The following CCDC60 variants were observed in gnomAD, a reference collection of about 807,000 sequenced individuals.
CCDC60 encodes coiled-coil domain containing 60.
Under a neutral mutation model 63.5 loss-of-function variants are expected in CCDC60, and 54 were observed. That is an observed-to-expected ratio of 0.85 (90% CI 0.68 to 1.07). The LOEUF is 1.07. CCDC60 is among the 50% of genes least tolerant of loss of function. CCDC60 has a pLI of 0.00. For missense variants in CCDC60, 651 were observed against 684.3 expected (o/e 0.95, Z 0.54); for synonymous variants, 206 against 238.8 (o/e 0.86, Z 1.27).
intron 1 of CCDC60, among the ~76,000 whole-genome samples, chr12:119,417,520 C>G (rs981754294): frequency 2.6e-5 from 4 of 152,092 alleles, no homozygotes; most frequent in Non-Finnish European, 5.9e-5. Context: ...TCCCAGAGCA[C>G]CCAATTTCCT....
At chr12:119,360,718 A>T (rs1420392817) in intron 1 of CCDC60, among the ~76,000 whole-genome samples, 1 of 151,942 alleles carries the variant, frequency 6.6e-6, no homozygotes, top group Non-Finnish European at 1.5e-5. Context: ...GGCGCTCCTC[A>T]CTTCCCAGAT....
Position 119,456,060 on chromosome 12 carries a change from A to AAAGCAAGCAAACAAGCAAGCAAGC in CCDC60, c.171-15924_171-15923insACAAGCAAGCAAGCAAGCAAGCAA. Among the ~76,000 whole-genome samples, 1 of 118,784 alleles carries AAAGCAAGCAAACAAGCAAGCAAGC rather than the reference A, an allele frequency of 8.4e-6. No homozygotes were observed. The highest frequency in any genetic ancestry group is 8.8e-5 in the Admixed American group (1 of 11,396). 77.9% of individuals were successfully genotyped at this position (118,784 alleles called of 152,430 possible). A position where few individuals can be genotyped will look rare whatever the true frequency, so the allele number is the denominator to read the frequency against. On this transcript the variant is annotated intron_variant, in intron 2 of 13. Coordinates refer to ENST00000327554, the MANE Select transcript of CCDC60 (RefSeq NM_178499.5). The surrounding 1 kb of genome is among the most constrained non-coding windows in gnomAD (Gnocchi z 4.6). ...GAAAGAAAGAAAGAAAGAAAGAAAG[A>AAAGCAAGCAAACAAGCAAGCAAGC]AAGCAAGCAAGCATGTGCAATTTCA...
Position 119,522,273 on chromosome 12 carries a change from G to T in CCDC60, c.1041-666G>T, listed in dbSNP as rs150650513. Among the ~76,000 whole-genome samples, 11 of 152,316 alleles carry T rather than the reference G, an allele frequency of 7.2e-5. No homozygotes were observed. In the East Asian group the frequency reaches 1.4e-3, roughly 19 times the overall value. On this transcript the variant is annotated intron_variant, in intron 9 of 13. Transcript: ENST00000327554. ...AAGGATCCTGGAGAAAGGCATGAAG[G>T]GGGTGGTGGGCAGGGGTAGGGGCTC...
At chr12:119,512,221 A>G (rs991655791) in intron 7 of CCDC60, among the ~76,000 whole-genome samples, 1 of 152,204 alleles carries the variant, frequency 6.6e-6, no homozygotes, top group Non-Finnish European at 1.5e-5. Flanking sequence ...AACTGCAGGT[A>G]CCCACTAAGG....
At position 119,516,605 on chromosome 12, in the gene CCDC60, C is replaced by G; in HGVS notation, c.884-18C>G. On this transcript the variant is annotated intron_variant, in intron 7 of 13. Transcript: ENST00000327554. ...GGGGTGGCTTCTGGTCAAGGGTGAC[C>G]TCTCATATTCTCATCAGATCTGCAG... The G allele has an allele frequency of 6.3e-6, 10 of 1,577,902 alleles. No homozygotes were observed. Among genetic ancestry groups the G allele is most frequent in the Non-Finnish European group, 8.7e-6 (10 of 1,149,704 alleles).
intron 2 of CCDC60, among the ~76,000 whole-genome samples, chr12:119,460,008 T>C (rs1482624126): frequency 6.6e-6 from 1 of 152,204 alleles, no homozygotes; most frequent in African/African-American, 2.4e-5. Flanking sequence ...CATGGGGCAA[T>C]TACACAACAA....
In CCDC60 at chr12:119,355,927, C is replaced by T. The variant is rs112363340; in HGVS notation, c.90+20661C>T. Reference sequence around the variant, plus strand: ...GGATGTGGCTCAGAAAAAACTGCTTCCACCTTGTCCCTGTTTTAGCTAGTC... The same window carrying T: ...GGATGTGGCTCAGAAAAAACTGCTTTCACCTTGTCCCTGTTTTAGCTAGTC... On this transcript the variant is annotated intron_variant, in intron 1 of 13. Coordinates refer to ENST00000327554, the MANE Select transcript of CCDC60 (RefSeq NM_178499.5). Among the ~76,000 whole-genome samples the T allele has an allele frequency of 3.5e-3, 531 of 152,290 alleles. 5 individuals carry two copies. Among genetic ancestry groups the T allele is most frequent in the South Asian group, 0.031 (148 of 4,826 alleles).
Position 119,344,839 on chromosome 12 carries a change from TCTCTCTCTCTCTCTCTCACACA to T in CCDC60, c.90+9575_90+9596del, listed in dbSNP as rs1565963611. ...CATTCTCTCTCTCTCTCTCTCTTTC[TCTCTCTCTCTCTCTCTCACACA>T]CACACACACACACACACACACACAC... On this transcript the variant is annotated intron_variant, in intron 1 of 13. Transcript: ENST00000327554. 3.3e-3 allele frequency among the ~76,000 whole-genome samples: 342 copies of T among 103,066 alleles called. 1 individual carries two copies. The highest frequency in any genetic ancestry group is 0.012 in the African/African-American group (320 of 27,026). The allele number at this position is 103,066 out of a possible 152,430, so 67.6% of individuals were successfully genotyped here.
At chr12:119,524,519 GA>G in intron 11 of CCDC60, 1 of 858,912 alleles carries the variant, frequency 1.2e-6, no homozygotes. Context: ...GCTAGGGTTG[GA>G]GAAGACTAAT....
chr12:119,426,048 C>A lies in CCDC60; in HGVS notation c.91-2635C>A, dbSNP rs558084160. ...CATTATGCAAAAGCATGGGAAAGTACTCCTAGAGTTCCTTACATGCCTCAT... is the reference window on the plus strand; with the variant it reads ...CATTATGCAAAAGCATGGGAAAGTAATCCTAGAGTTCCTTACATGCCTCAT... On this transcript the variant is annotated intron_variant, in intron 1 of 13. Transcript: ENST00000327554. Among the ~76,000 whole-genome samples the A allele has an allele frequency of 2.0e-5, 3 of 152,204 alleles. No individual in the cohort carries two copies. The East Asian group carries it at 5.8e-4, about 29-fold the overall frequency.
chr12:119,420,586 G>GA lies in CCDC60; in HGVS notation c.91-8097_91-8096insA, dbSNP rs1398680078. On this transcript the variant is annotated intron_variant, in intron 1 of 13. Transcript: ENST00000327554. The surrounding 1 kb of genome is among the most constrained non-coding windows in gnomAD (Gnocchi z 4.1). ...GCTGGGAAGGATAGTGGGGGATGGG[G>GA]GGCAGAAGGTGGGAATGGCTAACGG... is the stretch of plus-strand genomic sequence containing the variant. Among the ~76,000 whole-genome samples, 11 of 152,024 alleles carry GA rather than the reference G, an allele frequency of 7.2e-5. No individual in the cohort carries two copies. The highest frequency in any genetic ancestry group is 2.7e-4 in the African/African-American group (11 of 41,404).
At chr12:119,479,016 T>C (rs1192665394) in intron 3 of CCDC60, 78 bp from the exon 4 acceptor site, 2 of 976,178 alleles carry the variant, frequency 2.0e-6, no homozygotes, top group Non-Finnish European at 3.3e-6. Context: ...ATCTGCCGAA[T>C]AGACCGTGGC....
intron 1 of CCDC60, among the ~76,000 whole-genome samples, chr12:119,360,122 A>G (rs369844559): frequency 2.3e-4 from 32 of 137,110 alleles, no homozygotes; most frequent in South Asian, 7.2e-4. Context: ...GGGCAGAGGC[A>G]CCCCTCACCT....
chr12:119,360,181 C>T (rs1203140528), intron 1 of CCDC60, among the ~76,000 whole-genome samples: 1 of 150,112 alleles, frequency 6.7e-6, no homozygotes, highest in Non-Finnish European at 1.5e-5. Flanking sequence ...CCCCCACCTC[C>T]CTCCCGGACA....
At chr12:119,436,912 C>G (rs1022669113) in intron 2 of CCDC60, among the ~76,000 whole-genome samples, 1 of 152,210 alleles carries the variant, frequency 6.6e-6, no homozygotes, top group Non-Finnish European at 1.5e-5. Flanking sequence ...CAGTTCTTCT[C>G]TCTGTGAATT....
intron 1 of CCDC60, among the ~76,000 whole-genome samples, chr12:119,397,241 C>T (rs1197235417): frequency 6.6e-6 from 1 of 152,196 alleles, no homozygotes; most frequent in Non-Finnish European, 1.5e-5. Flanking sequence ...AGCGAAAAAA[C>T]AACACTTCCA....
At chr12:119,428,243 A>T (rs1268634105) in intron 1 of CCDC60, among the ~76,000 whole-genome samples, 3 of 152,154 alleles carry the variant, frequency 2.0e-5, no homozygotes, top group Non-Finnish European at 4.4e-5. Context: ...CACCAATAAT[A>T]ATTATTTTTA....
chr12:119,378,804 C>G (rs529735703), intron 1 of CCDC60, among the ~76,000 whole-genome samples: 1 of 152,342 alleles, frequency 6.6e-6, no homozygotes, highest in East Asian at 1.9e-4. Context: ...GCCCTATGCA[C>G]AGGCCAAGAT....
chr12:119,517,108 C>T (rs1952373884), intron 8 of CCDC60, among the ~76,000 whole-genome samples: 1 of 152,154 alleles, frequency 6.6e-6, no homozygotes, highest in Non-Finnish European at 1.5e-5. Flanking sequence ...CCAACTCAGC[C>T]TCCCACGTAG....
Sources: gnomAD v4.1 joint callset for allele counts (sites outside exome capture counted in the v4.1 genomes callset) on GRCh38, gnomAD v4.1.1 for gene constraint, Gnocchi (gnomAD v3.1) non-coding constraint, MANE v1.5 for transcripts, NCBI Gene and HGNC (gene_info 2026-07-23, HGNC 2026-07-21) for gene names.